CLVS1: variants seen among roughly 807,000 people sequenced by gnomAD.
The protein encoded by CLVS1 is clavesin 1, also known as clavesin-1.
A neutral mutation model predicts 33.1 loss-of-function variants in CLVS1; 10 were observed. That is an observed-to-expected ratio of 0.30 (90% CI 0.19 to 0.51). CLVS1 has a LOEUF of 0.51. CLVS1 is among the 20% of genes least tolerant of loss of function. CLVS1 has a pLI of 0.97. For missense variants in CLVS1, 343 were observed against 433.4 expected (o/e 0.79, Z 1.85); for synonymous variants, 163 against 166.1 (o/e 0.98, Z 0.14).
intron 3 of CLVS1, among the ~76,000 whole-genome samples, chr8:61,429,471 A>T (rs973473791): frequency 6.6e-6 from 1 of 150,942 alleles, no homozygotes; most frequent in Non-Finnish European, 1.5e-5. Context: ...AAGGGTTAAA[A>T]TTGTAAAATT....
intron 2 of CLVS1, among the ~76,000 whole-genome samples, chr8:61,242,193 A>G (rs1808710362): frequency 6.6e-6 from 1 of 152,090 alleles, no homozygotes; most frequent in Non-Finnish European, 1.5e-5. Flanking sequence ...TGTATGTTTC[A>G]TTAAATTTTA....
chr8:61,100,771 C>T (rs750548124), intron 1 of CLVS1, among the ~76,000 whole-genome samples: 2 of 152,094 alleles, frequency 1.3e-5, no homozygotes, highest in Non-Finnish European at 2.9e-5. Flanking sequence ...TAGGGAACCA[C>T]AATTCTATTT....
At chr8:60,989,811 C>G in the CLVS1 span, among the ~76,000 whole-genome samples, 18 of 152,008 alleles carry the variant, frequency 1.2e-4, no homozygotes, top group African/African-American at 4.4e-4. Context: ...CTTGGTTTCT[C>G]TACTAAATCT....
the CLVS1 span, among the ~76,000 whole-genome samples, chr8:61,025,827 G>T: frequency 6.6e-6 from 1 of 152,160 alleles, no homozygotes; most frequent in Non-Finnish European, 1.5e-5. Context: ...TCTAGCTCTA[G>T]CCTAATACAA....
chr8:61,314,397 G>A (rs970899842), intron 2 of CLVS1, among the ~76,000 whole-genome samples: 2 of 152,166 alleles, frequency 1.3e-5, no homozygotes, highest in Non-Finnish European at 2.9e-5. Flanking sequence ...AGAGAAGAGT[G>A]CATTCCAGAA....
chr8:61,154,758 T>C (rs577724000), intron 2 of CLVS1, among the ~76,000 whole-genome samples: 1 of 152,336 alleles, frequency 6.6e-6, no homozygotes, highest in South Asian at 2.1e-4. Flanking sequence ...GAGATCTATC[T>C]CCTTGAGAAC....
At chr8:61,200,159 C>T (rs143293037) in intron 2 of CLVS1, among the ~76,000 whole-genome samples, 2 of 152,296 alleles carry the variant, frequency 1.3e-5, no homozygotes, top group African/African-American at 4.8e-5. Flanking sequence ...ATTCTTGTTG[C>T]CCAGGCTGGG....
At chr8:61,176,309 C>T (rs1217251712) in intron 2 of CLVS1, among the ~76,000 whole-genome samples, 1 of 152,122 alleles carries the variant, frequency 6.6e-6, no homozygotes, top group Non-Finnish European at 1.5e-5. Context: ...CCAGTCATTC[C>T]ACCTGAGGCT....
chr8:61,197,696 T>G (rs1807644897), intron 2 of CLVS1, among the ~76,000 whole-genome samples: 1 of 152,198 alleles, frequency 6.6e-6, no homozygotes, highest in South Asian at 2.1e-4. Context: ...ATTTTTGTAT[T>G]TTTAGCAGAG....
chr8:61,032,859 A>G, the CLVS1 span, among the ~76,000 whole-genome samples: 2,194 of 151,962 alleles, frequency 0.014, 57 homozygotes, highest in African/African-American at 0.05. Context: ...TTGCCAAGCT[A>G]TGCTTCAAAA....
chr8:61,385,765 G>C (rs1016468144), intron 3 of CLVS1, among the ~76,000 whole-genome samples: 2 of 152,218 alleles, frequency 1.3e-5, no homozygotes, highest in South Asian at 2.1e-4. Context: ...TCAGGTATAC[G>C]TGACCTCTAG....
intron 2 of CLVS1, among the ~76,000 whole-genome samples, chr8:61,159,106 C>A (rs930996567): frequency 6.6e-6 from 1 of 152,306 alleles, no homozygotes; most frequent in African/African-American, 2.4e-5. Flanking sequence ...CTCCTGGGCT[C>A]AAGTGATTCT....
At chr8:61,484,572 T>C (rs1176691395) in intron 5 of CLVS1, among the ~76,000 whole-genome samples, 1 of 152,184 alleles carries the variant, frequency 6.6e-6, no homozygotes, top group Non-Finnish European at 1.5e-5. Context: ...ATGACTTTCT[T>C]CACAGAATTG....
the CLVS1 span, among the ~76,000 whole-genome samples, chr8:61,022,927 A>T: frequency 2.6e-5 from 4 of 152,268 alleles, no homozygotes; most frequent in African/African-American, 9.6e-5. Context: ...CGCCGGAGCT[A>T]CACTGAGGAG....
At chr8:61,379,873 C>G (rs947854099) in intron 3 of CLVS1, among the ~76,000 whole-genome samples, 1 of 152,164 alleles carries the variant, frequency 6.6e-6, no homozygotes, top group Non-Finnish European at 1.5e-5. Flanking sequence ...GCACACAGCG[C>G]TCAGTCACTG....
At chr8:61,361,073 C>T (rs1243939355) in intron 2 of CLVS1, among the ~76,000 whole-genome samples, 2 of 152,040 alleles carry the variant, frequency 1.3e-5, no homozygotes, top group East Asian at 3.9e-4. Flanking sequence ...GGAGGGGGTG[C>T]TACACACTTT....
At chr8:61,270,978 T>C (rs1481229217) in intron 2 of CLVS1, among the ~76,000 whole-genome samples, 2 of 151,356 alleles carry the variant, frequency 1.3e-5, no homozygotes, top group African/African-American at 2.4e-5. Context: ...CCTGGATTCA[T>C]TAATTTTTTG....
chr8:61,467,404 C>T (rs2129607565), intron 5 of CLVS1, among the ~76,000 whole-genome samples: 1 of 152,322 alleles, frequency 6.6e-6, no homozygotes, highest in East Asian at 1.9e-4. Context: ...AAACAAAGAG[C>T]ATCTTTCCCG....
intron 1 of CLVS1, among the ~76,000 whole-genome samples, chr8:61,121,801 A>G (rs570118250): frequency 6.6e-6 from 1 of 152,330 alleles, no homozygotes; most frequent in South Asian, 2.1e-4. Flanking sequence ...TGTACATTCT[A>G]TGGCTCACAC....
Sources: gnomAD v4.1 joint callset for allele counts (sites outside exome capture counted in the v4.1 genomes callset) on GRCh38, gnomAD v4.1.1 for gene constraint, MANE v1.5 for transcripts, NCBI Gene and HGNC (gene_info 2026-07-23, HGNC 2026-07-21) for gene names.